The following TMEM161A variants were observed in gnomAD, a reference collection of about 807,000 sequenced individuals.
TMEM161A encodes the protein adaptive response to oxidative stress protein 29.
Under a neutral mutation model 57.1 loss-of-function variants are expected in TMEM161A, and 46 were observed. The ratio of observed to expected loss-of-function variants is 0.81; its 90% CI spans 0.64 to 1.03. TMEM161A has a LOEUF of 1.03. Ranked by LOEUF, TMEM161A falls within the 50% of genes least tolerant of loss-of-function variation. The pLI is 0.00. For synonymous variants in TMEM161A, 288 were observed against 279.0 expected, an observed-to-expected ratio of 1.03 and a Z score of -0.32; for missense variants, 601 against 621.5, an observed-to-expected ratio of 0.97 and a Z score of 0.35.
chr19:19,122,990 G>A (rs2059917445), intron 6 of TMEM161A, among the ~76,000 whole-genome samples: 1 of 152,142 alleles, frequency 6.6e-6, no homozygotes, highest in African/African-American at 2.4e-5. Flanking sequence ...CAGATGACTG[G>A]GTAGAGTTGC....
intron 5 of TMEM161A, among the ~76,000 whole-genome samples, chr19:19,131,914 G>A (rs1264195903): frequency 6.6e-6 from 1 of 152,190 alleles, no homozygotes; most frequent in Non-Finnish European, 1.5e-5. Flanking sequence ...GCCTGCCTCA[G>A]CTTCCCAAAG....
rs766487539 is a variant in TMEM161A, at chr19:19,119,543, G to A, written c.*387C>T. On this transcript the variant is annotated 3_prime_UTR_variant, in exon 12 of 12. Transcript: ENST00000162044. ...CCCGCGCAGCCCCCACCCTGCACCCGGGCAGGTGCCACAGGGACGTGCAAG... is the reference window on the plus strand; with the variant it reads ...CCCGCGCAGCCCCCACCCTGCACCCAGGCAGGTGCCACAGGGACGTGCAAG... 32 of 218,000 alleles carry A rather than the reference G, an allele frequency of 1.5e-4. No homozygotes were observed. The highest frequency in any genetic ancestry group is 2.5e-4 in the Non-Finnish European group (27 of 106,144). 13.5% of individuals were successfully genotyped at this position (218,000 alleles called of 1,614,324 possible).
chr19:19,134,719 G>A, intron 2 of TMEM161A, 65 bp downstream of exon 2: 2 of 1,207,078 alleles, frequency 1.7e-6, no homozygotes, highest in Non-Finnish European at 2.4e-6. Flanking sequence ...TTGTGAGGCG[G>A]GGCGTGGGGA....
rs1443974602 is a variant in TMEM161A at position 19,120,672 on chromosome 19, C to G, written c.1186+93G>C. ...CGCCCCCTGCCTAGGCCCCGCCTCT[C>G]CCCCCCCACCGCGGTCCCCGCCAGA... is the stretch of plus-strand genomic sequence containing the variant. On this transcript the variant is annotated intron_variant, in intron 11 of 11. Coordinates refer to ENST00000162044, the MANE Select transcript of TMEM161A (RefSeq NM_017814.3). 7 of 1,061,558 alleles carry G rather than the reference C, an allele frequency of 6.6e-6. No homozygotes were observed. In the East Asian group the frequency reaches 1.8e-4, roughly 27 times the overall value. The allele number at this position is 1,061,558 out of a possible 1,614,324, so 65.8% of individuals were successfully genotyped here.
At chr19:19,137,028 A>G (rs567871679) in intron 1 of TMEM161A, among the ~76,000 whole-genome samples, 3 of 137,448 alleles carry the variant, frequency 2.2e-5, no homozygotes, top group Non-Finnish European at 4.6e-5. Context: ...CAGCCAGCCC[A>G]TCAAAACCTC....
In TMEM161A at chr19:19,120,838, C is replaced by A; in HGVS notation, c.1113G>T (p.Val371=). The A allele has an allele frequency of 6.2e-7, 1 of 1,613,436 alleles. No individual in the cohort carries two copies. Among genetic ancestry groups the A allele is most frequent in the South Asian group, 1.1e-5 (1 of 91,052 alleles). Residue 371 remains valine, a synonymous_variant, in exon 11 of 12, where the codon GTG becomes GTT. Transcript: ENST00000162044. The stretch of plus-strand genomic sequence containing the variant: ...TCAGGTACTGCAAGCTCACCACGGT[C>A]ACATAGCAGTAGACTCGGACCACCT... ...QQRVVRVYCY[V]TVVSLQYLTP...
intron 6 of TMEM161A, among the ~76,000 whole-genome samples, chr19:19,123,738 A>G (rs1038360175): frequency 7.2e-5 from 11 of 152,206 alleles, no homozygotes; most frequent in Non-Finnish European, 1.3e-4. Flanking sequence ...GAAAGGCTAT[A>G]CTACTACCAG....
intron 6 of TMEM161A, among the ~76,000 whole-genome samples, chr19:19,125,332 A>G (rs1219956453): frequency 2.6e-5 from 4 of 152,114 alleles, no homozygotes; most frequent in Admixed American, 1.3e-4. Context: ...GCTTATATGA[A>G]ATGTAAAAGT....
intron 6 of TMEM161A, among the ~76,000 whole-genome samples, chr19:19,124,181 C>T (rs2059921843): frequency 6.6e-6 from 1 of 152,096 alleles, no homozygotes; most frequent in East Asian, 1.9e-4. Context: ...TGTGAATAGG[C>T]TGCAAAATAT....
Position 19,121,904 on chromosome 19 carries a change from G to C in TMEM161A, c.596-85C>G. 1 of 1,460,366 alleles carries C rather than the reference G, an allele frequency of 6.8e-7. No individual in the cohort carries two copies. Among genetic ancestry groups the C allele is most frequent in the Non-Finnish European group, 9.4e-7 (1 of 1,066,582 alleles). The allele number at this position is 1,460,366 out of a possible 1,614,324, so 90.5% of individuals were successfully genotyped here. A position where few individuals can be genotyped will look rare whatever the true frequency, so the allele number is the denominator to read the frequency against. ...TGTTCCCTAACCCCCCATCCCTCAG[G>C]CATCCGTTTGCTTCCCAAGTAGGAA... On this transcript the variant is annotated intron_variant, in intron 6 of 11. Coordinates refer to ENST00000162044, the MANE Select transcript of TMEM161A (RefSeq NM_017814.3). This position sits in a 1 kb window ranked among gnomAD's most constrained non-coding sequence, Gnocchi z 5.8.
intron 11 of TMEM161A, 85 bp downstream of exon 11, chr19:19,120,680 A>T: frequency 2.7e-6 from 1 of 375,616 alleles, no homozygotes. Context: ...CTCCCCCCCC[A>T]CCGCGGTCCC....
At chr19:19,134,941 C>T (rs1301341984) in intron 1 of TMEM161A, 54 bp from the exon 2 acceptor site, 1 of 1,301,992 alleles carries the variant, frequency 7.7e-7, no homozygotes, top group Non-Finnish European at 1.1e-6. Context: ...CAAGTTCCCT[C>T]CCTCCCTAGG....
intron 11 of TMEM161A, 98 bp from the exon 12 acceptor site, chr19:19,120,281 T>C: frequency 9.4e-7 from 1 of 1,064,046 alleles, no homozygotes; most frequent in Non-Finnish European, 1.3e-6. Flanking sequence ...CTCCAGACAC[T>C]CCCACCCCTG....
rs74182619 is a variant in TMEM161A, at chr19:19,121,143, G to C, written c.938C>G (p.Ser313Cys). 15 of 1,609,322 alleles carry C rather than the reference G, an allele frequency of 9.3e-6. No individual in the cohort carries two copies. The highest frequency in any genetic ancestry group is 1.2e-5 in the Non-Finnish European group (14 of 1,178,160). Residue 313 changes from serine to cysteine, a missense_variant, in exon 10 of 12, where the codon TCT (serine) becomes TGT (cysteine). Transcript: ENST00000162044. This position sits in a 1 kb window ranked among gnomAD's most constrained non-coding sequence, Gnocchi z 5.8. ...FSLLSDSAFDSGRLWLLVVLC... is the reference protein window; with the variant it reads ...FSLLSDSAFDCGRLWLLVVLC... Reference sequence around the variant, plus strand: ...CACCACCAGCAACCAGAGGCGCCCAGAGTCGAAGGCAGAATCGGACAGCCT... The same window carrying C: ...CACCACCAGCAACCAGAGGCGCCCACAGTCGAAGGCAGAATCGGACAGCCT...
rs766559895 is a variant in TMEM161A at position 19,130,259 on chromosome 19, C to A, written c.492G>T (p.Gly164=). The A allele has an allele frequency of 6.2e-7, 1 of 1,613,896 alleles. No individual in the cohort carries two copies. The highest frequency in any genetic ancestry group is 8.5e-7 in the Non-Finnish European group (1 of 1,180,036). The change falls in exon 6 of 12, where the codon GGG becomes GGT. Residue 164 remains glycine (G), a synonymous_variant. Transcript: ENST00000162044. Reference sequence around the variant, plus strand: ...AGGTGAGGCAGACAGAGCGCTCACCCCCCTCCTCGGCGCTGAAGTACAGCC... The same window carrying A: ...AGGTGAGGCAGACAGAGCGCTCACCACCCTCCTCGGCGCTGAAGTACAGCC... ...VTRLYFSAEE[G]GERSVCLTFA...
intron 11 of TMEM161A, 93 bp from the exon 12 acceptor site, chr19:19,120,276 G>T: frequency 9.0e-7 from 1 of 1,108,144 alleles, no homozygotes. Context: ...CATTCCTCCA[G>T]ACACTCCCAC....
Position 19,121,147 on chromosome 19 carries a change from C to T in TMEM161A, c.934G>A (p.Asp312Asn), listed in dbSNP as rs917894124. The T allele has an allele frequency of 4.4e-6, 7 of 1,608,258 alleles. No individual in the cohort carries two copies. The highest frequency in any genetic ancestry group is 2.2e-5 in the East Asian group (1 of 44,770). The change falls in exon 10 of 12, where the codon GAC becomes AAC. Residue 312 changes from aspartate (D) to asparagine (N), a missense_variant. Physicochemically the swap from Asp to Asn is conservative, Grantham distance 23. Transcript: ENST00000162044. The surrounding 1 kb of genome is among the most constrained non-coding windows in gnomAD (Gnocchi z 5.8). ...ACCAGCAACCAGAGGCGCCCAGAGT[C>T]GAAGGCAGAATCGGACAGCCTGTGC... ...RFSLLSDSAF[D>N]SGRLWLLVVL...
intron 2 of TMEM161A, among the ~76,000 whole-genome samples, chr19:19,134,118 A>G (rs910907568): frequency 2.0e-5 from 3 of 150,636 alleles, no homozygotes; most frequent in East Asian, 3.9e-4. Flanking sequence ...TTCAGTTGCC[A>G]CCAGATTCTC....
chr19:19,121,884 C>G lies in TMEM161A; in HGVS notation c.596-65G>C, dbSNP rs1190814157. 1.3e-6 allele frequency: 2 copies of G among 1,562,420 alleles called. No individual in the cohort carries two copies. Among genetic ancestry groups the G allele is most frequent in the African/African-American group, 2.7e-5 (2 of 73,844 alleles). On this transcript the variant is annotated intron_variant, in intron 6 of 11. Coordinates refer to ENST00000162044, the MANE Select transcript of TMEM161A (RefSeq NM_017814.3). This position sits in a 1 kb window ranked among gnomAD's most constrained non-coding sequence, Gnocchi z 5.8. Reference sequence around the variant, plus strand: ...TAGGGTCTCTAAGGCCACTCTGTTCCCTAACCCCCCATCCCTCAGGCATCC... The same window carrying G: ...TAGGGTCTCTAAGGCCACTCTGTTCGCTAACCCCCCATCCCTCAGGCATCC...
Sources: gnomAD v4.1 joint callset for allele counts (sites outside exome capture counted in the v4.1 genomes callset) on GRCh38, gnomAD v4.1.1 for gene constraint, Gnocchi (gnomAD v3.1) non-coding constraint, MANE v1.5 for transcripts, NCBI Gene and HGNC (gene_info 2026-07-23, HGNC 2026-07-21) for gene names.